Variants in XPO1 observed in about 807,000 individuals in gnomAD.
XPO1 encodes the protein exportin 1.
A neutral mutation model predicts 133.3 loss-of-function variants in XPO1; 5 were observed. That is an observed-to-expected ratio of 0.04 (90% CI 0.02 to 0.08). XPO1 has a LOEUF of 0.08. Among genes scored for constraint, XPO1 ranks in the 10% least tolerant of loss-of-function variants. XPO1 has a pLI of 1.00. For missense variants in XPO1, 506 were observed against 1,267.5 expected, an observed-to-expected ratio of 0.40 and a Z score of 9.12; for synonymous variants, 419 against 408.2, an observed-to-expected ratio of 1.03 and a Z score of -0.32.
intron 19 of XPO1, 136 bp from the exon 20 acceptor site, chr2:61,486,098 G>GC: frequency 2.5e-6 from 2 of 807,676 alleles, no homozygotes; most frequent in Admixed American, 3.2e-5. Context: ...TTGTATTAGG[G>GC]TTTCCTACGT....
chr2:61,533,454 AAGT>A (rs1699244048), intron 2 of XPO1, among the ~76,000 whole-genome samples: 1 of 152,322 alleles, frequency 6.6e-6, no homozygotes, highest in Admixed American at 6.5e-5. Context: ...AATGTTTTAA[AAGT>A]AGAAGAATCG....
At chr2:61,518,672 C>G (rs1203912258) in intron 4 of XPO1, among the ~76,000 whole-genome samples, 1 of 151,930 alleles carries the variant, frequency 6.6e-6, no homozygotes, top group Middle Eastern at 3.2e-3. Flanking sequence ...AAAAGACACT[C>G]TGAGCCCCAA....
chr2:61,483,384 G>A (rs1696500489), intron 21 of XPO1: 2 of 297,028 alleles, frequency 6.7e-6, no homozygotes, highest in Non-Finnish European at 6.3e-6. Context: ...AGGAGTGGGT[G>A]AGGGATAAGA....
Position 61,499,911 on chromosome 2 carries a change from A to G in XPO1, c.409-17T>C. The G allele has an allele frequency of 1.3e-6, 2 of 1,596,246 alleles. No homozygotes were observed. The highest frequency in any genetic ancestry group is 1.7e-6 in the Non-Finnish European group (2 of 1,175,868). On this transcript the variant is annotated splice_polypyrimidine_tract_variant and intron_variant, in intron 6 of 24. Coordinates refer to ENST00000401558, the MANE Select transcript of XPO1 (RefSeq NM_003400.4). ...TTTCAGTATCTAAAACAAGACATGA[A>G]ATGTTAATCGCACTTCATTTCTCAA...
chr2:61,484,088 A>G lies in XPO1; in HGVS notation c.2526T>C (p.Pro842=), dbSNP rs1227137094. Reference sequence around the variant, plus strand: ...GTAAGAAAAAGTTCGTTCTATGTTCAGGATATTCTTCAAAGTCCTAAAAAT... The same window carrying G: ...GTAAGAAAAAGTTCGTTCTATGTTCGGGATATTCTTCAAAGTCCTAAAAAT... The part of the protein sequence containing the change: ...NMINKDFEEY[P]EHRTNFFLLL... Residue 842 remains proline (P), a synonymous_variant, in exon 21 of 25, where the codon CCT becomes CCC. Coordinates refer to ENST00000401558, the MANE Select transcript of XPO1 (RefSeq NM_003400.4). 1 of 1,612,448 alleles carries G rather than the reference A, an allele frequency of 6.2e-7. No individual in the cohort carries two copies. The highest frequency in any genetic ancestry group is 1.7e-4 in the Middle Eastern group (1 of 6,054).
chr2:61,534,803 C>T (rs1296165734), intron 1 of XPO1: 3 of 152,132 alleles, frequency 2.0e-5, no homozygotes, highest in African/African-American at 4.8e-5. Context: ...GTATAAATGC[C>T]CTTAGCCTCT....
intron 21 of XPO1, chr2:61,483,680 T>C (rs1696525460): frequency 2.7e-6 from 1 of 373,820 alleles, no homozygotes; most frequent in African/African-American, 2.1e-5. Context: ...TTCTACAACA[T>C]CACTACCCAG....
intron 4 of XPO1, among the ~76,000 whole-genome samples, chr2:61,508,622 T>C (rs1273561385): frequency 6.6e-6 from 1 of 152,236 alleles, no homozygotes; most frequent in Non-Finnish European, 1.5e-5. Flanking sequence ...AGAAACACCT[T>C]GTAAACACTG....
chr2:61,512,049 G>A (rs759382844), intron 4 of XPO1, among the ~76,000 whole-genome samples: 4 of 152,142 alleles, frequency 2.6e-5, no homozygotes, highest in East Asian at 1.9e-4. Flanking sequence ...GATTACAGGC[G>A]TGAGACATCG....
At chr2:61,520,609 C>T (rs1330543747) in intron 4 of XPO1, among the ~76,000 whole-genome samples, 3 of 152,158 alleles carry the variant, frequency 2.0e-5, no homozygotes, top group African/African-American at 7.2e-5. Flanking sequence ...GGTGCCAATG[C>T]ACTCCAGCCT....
chr2:61,522,498 T>C (rs1447075873), intron 4 of XPO1, 113 bp downstream of exon 4: 6 of 903,996 alleles, frequency 6.6e-6, no homozygotes, highest in Non-Finnish European at 1.0e-5. Flanking sequence ...AGCAATAAGC[T>C]CCATTAGAGC....
intron 4 of XPO1, among the ~76,000 whole-genome samples, chr2:61,508,282 AT>A (rs1474087863): frequency 1.3e-5 from 2 of 152,230 alleles, no homozygotes; most frequent in African/African-American, 2.4e-5. Context: ...GGAAAGCCAT[AT>A]AAAATTTATT....
intron 12 of XPO1, 40 bp from the exon 13 acceptor site, chr2:61,493,093 G>C (rs750499793): frequency 6.5e-7 from 1 of 1,528,098 alleles, no homozygotes; most frequent in Non-Finnish European, 8.7e-7. Context: ...AAAATCGTTA[G>C]ATCACTGAAA....
At chr2:61,507,242 T>TCAAAAAAAA (rs1697869559) in intron 4 of XPO1, among the ~76,000 whole-genome samples, 1 of 18,912 alleles carries the variant, frequency 5.3e-5, no homozygotes, top group Non-Finnish European at 1.1e-4. Context: ...AGACTCCATC[T>TCAAAAAAAA]CAAAAAAAAA....
chr2:61,499,641 C>T lies in XPO1; in HGVS notation c.590+72G>A, dbSNP rs1573148216. 3 of 1,389,136 alleles carry T rather than the reference C, an allele frequency of 2.2e-6. No individual in the cohort carries two copies. The East Asian group carries it at 7.2e-5, about 33-fold the overall frequency. The allele number at this position is 1,389,136 out of a possible 1,614,324, so 86.1% of individuals were successfully genotyped here. On this transcript the variant is annotated intron_variant, in intron 7 of 24. Coordinates refer to ENST00000401558, the MANE Select transcript of XPO1 (RefSeq NM_003400.4). ...TGATCATAGTTCCTTAAAATATCTA[C>T]AATTTACATCCAAACTGCTTGAAAT... is the stretch of plus-strand genomic sequence containing the variant.
chr2:61,488,910 G>C (rs1235962267), intron 17 of XPO1, 139 bp from the exon 18 acceptor site: 20 of 866,990 alleles, frequency 2.3e-5, no homozygotes, highest in Non-Finnish European at 3.5e-5. Context: ...GACCATCCTG[G>C]ATAACACGGT....
chr2:61,518,417 AACACACACACACACACACACACACAC>A lies in XPO1; in HGVS notation c.301+4168_301+4193del, dbSNP rs200566050. On this transcript the variant is annotated intron_variant, in intron 4 of 24. Transcript: ENST00000401558. The stretch of plus-strand genomic sequence containing the variant: ...AAAAAAAACAAAAAACAAAAAACAA[AACACACACACACACACACACACACAC>A]ACACACACACACACACACACAAAGT... 5.7e-4 allele frequency among the ~76,000 whole-genome samples: 71 copies of A among 124,524 alleles called. No individual in the cohort carries two copies. In the East Asian group the frequency reaches 0.012, roughly 20 times the overall value. 81.7% of individuals were successfully genotyped at this position (124,524 alleles called of 152,430 possible).
chr2:61,488,546 G>A, intron 18 of XPO1, 42 bp downstream of exon 18: 1 of 1,562,382 alleles, frequency 6.4e-7, no homozygotes, highest in Non-Finnish European at 8.7e-7. Context: ...AAGAGAAGTG[G>A]TTTGTTTATA....
chr2:61,530,550 T>G (rs1007574957), intron 2 of XPO1, among the ~76,000 whole-genome samples: 3 of 152,202 alleles, frequency 2.0e-5, no homozygotes, highest in African/African-American at 7.2e-5. Flanking sequence ...GCATCTTTTT[T>G]CTAGCTGTCT....
Sources: allele counts gnomAD v4.1 joint callset (sites outside exome capture counted in the v4.1 genomes callset), GRCh38; gene constraint gnomAD v4.1.1; transcripts MANE v1.5; gene names NCBI Gene and HGNC (gene_info 2026-07-23, HGNC 2026-07-21).